The following ZFR variants were observed in gnomAD, a reference collection of about 807,000 sequenced individuals.
The protein encoded by ZFR is zinc finger RNA-binding protein.
A neutral mutation model predicts 130.7 loss-of-function variants in ZFR; 19 were observed. The ratio of observed to expected loss-of-function variants is 0.15; its 90% CI spans 0.10 to 0.21. The LOEUF (loss-of-function observed/expected upper bound fraction) is 0.21, where lower values mean the gene tolerates loss of function less well. ZFR is among the 10% of genes least tolerant of loss of function. ZFR has a pLI of 1.00. For synonymous variants in ZFR, 466 were observed against 456.9 expected (o/e 1.02, Z -0.25); for missense variants, 872 against 1,321.5 (o/e 0.66, Z 5.27).
At chr5:32,378,146 T>G (rs1477820634) in intron 17 of ZFR, among the ~76,000 whole-genome samples, 1 of 152,220 alleles carries the variant, frequency 6.6e-6, no homozygotes, top group African/African-American at 2.4e-5. Context: ...TTCTTTAACC[T>G]TGATATTTCA....
At chr5:32,432,949 G>T (rs1007695608) in intron 2 of ZFR, among the ~76,000 whole-genome samples, 1 of 150,492 alleles carries the variant, frequency 6.6e-6, no homozygotes, top group African/African-American at 2.4e-5. Flanking sequence ...ACCCAGGCTG[G>T]TCTCAAACTC....
intron 17 of ZFR, among the ~76,000 whole-genome samples, chr5:32,365,638 A>G (rs2111665342): frequency 6.6e-6 from 1 of 150,846 alleles, no homozygotes. Flanking sequence ...GGCTCACTGC[A>G]GCCTCAAGCT....
intron 17 of ZFR, 145 bp from the exon 18 acceptor site, chr5:32,364,420 A>G (rs1752496957): frequency 1.9e-6 from 1 of 525,502 alleles, no homozygotes; most frequent in Non-Finnish European, 3.4e-6. Context: ...AATATTACAT[A>G]TAATATAAAA....
At chr5:32,440,431 G>T (rs450349) in intron 2 of ZFR, among the ~76,000 whole-genome samples, 145,663 of 152,252 alleles carry the variant, frequency 0.96, 69,753 homozygotes, top group African/African-American at 0.99. Flanking sequence ...GCGGAGGACC[G>T]GAGTTCGGGA....
intron 4 of ZFR, among the ~76,000 whole-genome samples, chr5:32,416,914 C>CTTTTTTTTTTTTTTTT (rs57923621): frequency 6.8e-6 from 1 of 146,284 alleles, no homozygotes; most frequent in Non-Finnish European, 1.5e-5. Flanking sequence ...CATTTTTTTT[C>CTTTTTTTTTTTTTTTT]TTTTTTTTTT....
chr5:32,416,043 G>C (rs1214144149), intron 4 of ZFR, among the ~76,000 whole-genome samples: 1 of 151,680 alleles, frequency 6.6e-6, no homozygotes, highest in African/African-American at 2.4e-5. Flanking sequence ...ATGGCTCACT[G>C]CAACCTCAAA....
At chr5:32,356,639 T>G (rs1037557589) in intron 19 of ZFR, among the ~76,000 whole-genome samples, 1 of 152,084 alleles carries the variant, frequency 6.6e-6, no homozygotes, top group Non-Finnish European at 1.5e-5. Flanking sequence ...CAGGATTGTC[T>G]CGATCTCCTG....
intron 18 of ZFR, 38 bp from the exon 19 acceptor site, chr5:32,364,083 T>C (rs142124719): frequency 2.6e-4 from 422 of 1,602,550 alleles, no homozygotes; most frequent in Middle Eastern, 8.3e-4. Flanking sequence ...ATTATTAGCA[T>C]TGTCCACTTA....
intron 2 of ZFR, among the ~76,000 whole-genome samples, chr5:32,422,724 G>C (rs11745809): frequency 7.0e-6 from 1 of 141,878 alleles, no homozygotes; most frequent in Admixed American, 7.4e-5. Context: ...CGCTTGAGCA[G>C]AGGAGGTTGA....
At chr5:32,427,478 C>T (rs1206100379) in intron 2 of ZFR, among the ~76,000 whole-genome samples, 8 of 151,532 alleles carry the variant, frequency 5.3e-5, no homozygotes, top group African/African-American at 1.9e-4. Flanking sequence ...CAAAACACTG[C>T]TGAAAGATTT....
chr5:32,361,769 C>T (rs1752439841), intron 19 of ZFR, among the ~76,000 whole-genome samples: 1 of 152,060 alleles, frequency 6.6e-6, no homozygotes, highest in African/African-American at 2.4e-5. Context: ...CAGGCACTCA[C>T]ATGCCACCAC....
In ZFR at chr5:32,355,161, A is replaced by G. The variant is rs1752277828; in HGVS notation, c.*599T>C. The stretch of plus-strand genomic sequence containing the variant: ...ATTACACCTTTATATATCACACTAG[A>G]GACAAATGCCACAAGATCTGCAGAA... On this transcript the variant is annotated 3_prime_UTR_variant, in exon 20 of 20. Coordinates refer to ENST00000265069, the MANE Select transcript of ZFR (RefSeq NM_016107.5). The G allele has an allele frequency of 6.6e-6, 1 of 152,230 alleles. No homozygotes were observed. Among genetic ancestry groups the G allele is most frequent in the Non-Finnish European group, 1.5e-5 (1 of 68,040 alleles). 9.4% of individuals were successfully genotyped at this position (152,230 alleles called of 1,614,324 possible).
chr5:32,383,307 C>T (rs1234875013), intron 15 of ZFR, among the ~76,000 whole-genome samples: 1 of 152,176 alleles, frequency 6.6e-6, no homozygotes, highest in East Asian at 1.9e-4. Flanking sequence ...TTGGCAGCAA[C>T]CCCTGACAGG....
intron 6 of ZFR, 69 bp downstream of exon 6, chr5:32,406,705 C>CA (rs767764206): frequency 2.0e-6 from 3 of 1,530,348 alleles, no homozygotes; most frequent in Admixed American, 4.7e-5. Context: ...TTAGTAGGCT[C>CA]AGGAGTTAGA....
At chr5:32,444,157 G>A in intron 2 of ZFR, 72 bp downstream of exon 2, 2 of 1,514,980 alleles carry the variant, frequency 1.3e-6, no homozygotes, top group Non-Finnish European at 1.8e-6. Flanking sequence ...CGGGCGCGGG[G>A]GCGTCGCATC....
chr5:32,406,376 T>C (rs1012738717), intron 6 of ZFR, among the ~76,000 whole-genome samples: 3 of 152,194 alleles, frequency 2.0e-5, no homozygotes, highest in African/African-American at 7.2e-5. Flanking sequence ...AATTATAGAT[T>C]ATCAGTAACC....
intron 4 of ZFR, 147 bp downstream of exon 4, chr5:32,417,501 A>C: frequency 1.1e-6 from 1 of 881,570 alleles, no homozygotes; most frequent in South Asian, 1.8e-5. Context: ...TGTGACTCCA[A>C]GGCATTTAGT....
At chr5:32,423,329 CA>C (rs929216631) in intron 2 of ZFR, among the ~76,000 whole-genome samples, 4 of 151,316 alleles carry the variant, frequency 2.6e-5, no homozygotes, top group Non-Finnish European at 4.4e-5. Context: ...ACCCCTGTCT[CA>C]AAAAAAATTT....
chr5:32,397,366 C>T (rs752101579), intron 9 of ZFR, 28 bp from the exon 10 acceptor site: 1 of 1,606,930 alleles, frequency 6.2e-7, no homozygotes, highest in East Asian at 2.2e-5. Flanking sequence ...ATTCAAGAAT[C>T]ATCATAGTTG....
Sources: allele counts gnomAD v4.1 joint callset (sites outside exome capture counted in the v4.1 genomes callset), GRCh38; gene constraint gnomAD v4.1.1; transcripts MANE v1.5; gene names NCBI Gene and HGNC (gene_info 2026-07-23, HGNC 2026-07-21).